Variants in WFDC2 observed in about 807,000 individuals in gnomAD.
The protein encoded by WFDC2 is WAP four-disulfide core domain protein 2.
A neutral mutation model predicts 12.5 loss-of-function variants in WFDC2; 8 were observed. The observed-to-expected ratio is 0.64, with a 90% CI of 0.37 to 1.15. WFDC2 has a LOEUF of 1.15. WFDC2 is among the 50% of genes most tolerant of loss of function. WFDC2 has a pLI of 0.01. For synonymous variants in WFDC2, 74 were observed against 67.2 expected, an observed-to-expected ratio of 1.10 and a Z score of -0.49; for missense variants, 166 against 159.9, an observed-to-expected ratio of 1.04 and a Z score of -0.21.
chr20:45,476,624 T>C (rs1372334812), intron 2 of WFDC2, among the ~76,000 whole-genome samples: 5 of 152,220 alleles, frequency 3.3e-5, no homozygotes, highest in African/African-American at 1.2e-4. Context: ...CATTTCAACC[T>C]TGGTGAATCT....
chr20:45,471,224 C>G, intron 2 of WFDC2: 1 of 467,680 alleles, frequency 2.1e-6, no homozygotes, highest in Middle Eastern at 3.3e-4. Flanking sequence ...CGTCGTCTTT[C>G]AGTCAATCTC....
At chr20:45,479,824 A>T in intron 2 of WFDC2, 118 bp from the exon 3 acceptor site, 1 of 1,613,286 alleles carries the variant, frequency 6.2e-7, no homozygotes, top group Non-Finnish European at 8.5e-7. Context: ...GGACTCAGGC[A>T]GGCAGCTCTG....
intron 1 of WFDC2, 94 bp downstream of exon 1, chr20:45,469,954 G>A (rs1991145283): frequency 1.4e-6 from 2 of 1,470,718 alleles, no homozygotes; most frequent in Non-Finnish European, 1.8e-6. Context: ...GGAGGCTGGG[G>A]AAGTGGGAAT....
intron 2 of WFDC2, chr20:45,471,261 G>C (rs1253042648): frequency 6.7e-6 from 3 of 448,332 alleles, no homozygotes; most frequent in African/African-American, 6.0e-5. Flanking sequence ...GAGTGAGCGC[G>C]AGCTGGGGAC....
At position 45,470,359 on chromosome 20, in the gene WFDC2, C is replaced by T. The variant is rs958812310; in HGVS notation, c.80-30C>T. 1 of 1,561,000 alleles carries T rather than the reference C, an allele frequency of 6.4e-7. No homozygotes were observed. The highest frequency in any genetic ancestry group is 8.7e-7 in the Non-Finnish European group (1 of 1,151,534). Reference sequence around the variant, plus strand: ...CCTCTGGGGCTGGCGCTACGCCCCACCCTCGACTGTCCCGGGCCTCCCCTC... The same window carrying T: ...CCTCTGGGGCTGGCGCTACGCCCCATCCTCGACTGTCCCGGGCCTCCCCTC... On this transcript the variant is annotated intron_variant, in intron 1 of 3. Coordinates refer to ENST00000372676, the MANE Select transcript of WFDC2 (RefSeq NM_006103.4). This position sits in a 1 kb window ranked among gnomAD's most constrained non-coding sequence, Gnocchi z 5.4.
intron 2 of WFDC2, among the ~76,000 whole-genome samples, chr20:45,472,339 A>G (rs1991182744): frequency 6.6e-6 from 1 of 151,362 alleles, no homozygotes; most frequent in Admixed American, 6.6e-5. Flanking sequence ...TCATTGTTCA[A>G]CTCCTACTTA....
chr20:45,470,503 G>A lies in WFDC2; in HGVS notation c.194G>A (p.Gly65Asp). The A allele has an allele frequency of 1.3e-6, 2 of 1,599,612 alleles. No individual in the cohort carries two copies. The highest frequency in any genetic ancestry group is 2.2e-5 in the East Asian group (1 of 44,520). Residue 65 changes from glycine (G) to aspartate (D), a missense_variant, in exon 2 of 4, where the codon GGC becomes GAC. Transcript: ENST00000372676. This position sits in a 1 kb window ranked among gnomAD's most constrained non-coding sequence, Gnocchi z 5.4. ...CADNLKCCSAGCATFCSLPND... is the reference protein window; with the variant it reads ...CADNLKCCSADCATFCSLPND... ...GACAACCTCAAGTGCTGCAGCGCGG[G>A]CTGTGCCACCTTCTGCTCTCTGCCC...
In WFDC2 at chr20:45,470,366, C is replaced by T. The variant is rs1991151541; in HGVS notation, c.80-23C>T. 1 of 1,566,058 alleles carries T rather than the reference C, an allele frequency of 6.4e-7. No homozygotes were observed. ...GGCTGGCGCTACGCCCCACCCTCGA[C>T]TGTCCCGGGCCTCCCCTCCCAGGCA... On this transcript the variant is annotated intron_variant, in intron 1 of 3. Coordinates refer to ENST00000372676, the MANE Select transcript of WFDC2 (RefSeq NM_006103.4). The surrounding 1 kb of genome is among the most constrained non-coding windows in gnomAD (Gnocchi z 5.4).
intron 2 of WFDC2, among the ~76,000 whole-genome samples, chr20:45,478,605 G>A (rs573736681): frequency 1.4e-4 from 21 of 152,096 alleles, no homozygotes; most frequent in African/African-American, 1.2e-4. Context: ...GTTACTATTC[G>A]GCCATCTTGA....
At chr20:45,471,388 A>C (rs1040731215) in intron 2 of WFDC2, 2 of 333,740 alleles carry the variant, frequency 6.0e-6, no homozygotes, top group Non-Finnish European at 1.2e-5. Context: ...TGAGGATTAG[A>C]GGCAGGGATA....
chr20:45,474,777 G>C (rs988151020), intron 2 of WFDC2, among the ~76,000 whole-genome samples: 3 of 152,112 alleles, frequency 2.0e-5, no homozygotes, highest in African/African-American at 7.2e-5. Context: ...TTGTACCTCT[G>C]GTGGAATTCG....
intron 2 of WFDC2, among the ~76,000 whole-genome samples, chr20:45,472,990 T>C (rs1252192769): frequency 1.3e-5 from 2 of 152,266 alleles, no homozygotes; most frequent in African/African-American, 2.4e-5. Flanking sequence ...ATGTCTTCTT[T>C]TGAGAAGCAT....
In WFDC2 at chr20:45,469,867, G is replaced by T; in HGVS notation, c.79+7G>T. The T allele has an allele frequency of 6.2e-7, 1 of 1,602,894 alleles. No homozygotes were observed. The highest frequency in any genetic ancestry group is 2.2e-5 in the East Asian group (1 of 44,494). ...GGCTTCACCCTAGTCTCAGGTGAGTGGGGCGGGGAGAGGCCCGGCGCCTAG... is the reference window on the plus strand; with the variant it reads ...GGCTTCACCCTAGTCTCAGGTGAGTTGGGCGGGGAGAGGCCCGGCGCCTAG... On this transcript the variant is annotated splice_region_variant and intron_variant, in intron 1 of 3. Transcript: ENST00000372676.
intron 2 of WFDC2, among the ~76,000 whole-genome samples, chr20:45,478,205 G>A (rs1387499802): frequency 6.6e-6 from 1 of 152,046 alleles, no homozygotes; most frequent in Non-Finnish European, 1.5e-5. Flanking sequence ...CACCACTGGG[G>A]TATGAAAAAA....
intron 2 of WFDC2, chr20:45,479,483 T>TTAA: frequency 1.7e-6 from 1 of 596,966 alleles, no homozygotes; most frequent in Non-Finnish European, 3.0e-6. Flanking sequence ...ATTAGAAGAG[T>TTAA]TAATATATGT....
At position 45,470,277 on chromosome 20, in the gene WFDC2, C is replaced by T. The variant is rs1414353713; in HGVS notation, c.80-112C>T. The T allele has an allele frequency of 2.1e-6, 3 of 1,427,660 alleles. No homozygotes were observed. In the African/African-American group the frequency reaches 4.3e-5, roughly 20 times the overall value. The allele number at this position is 1,427,660 out of a possible 1,614,324, so 88.4% of individuals were successfully genotyped here. A position where few individuals can be genotyped will look rare whatever the true frequency, so the allele number is the denominator to read the frequency against. ...GTCTCTGGGGGCTGTAAGGGGACTCCTAGGGCCAGAGACTGAGAATTCCTT... is the reference window on the plus strand; with the variant it reads ...GTCTCTGGGGGCTGTAAGGGGACTCTTAGGGCCAGAGACTGAGAATTCCTT... On this transcript the variant is annotated intron_variant, in intron 1 of 3. Transcript: ENST00000372676. The surrounding 1 kb of genome is among the most constrained non-coding windows in gnomAD (Gnocchi z 5.4).
At position 45,470,676 on chromosome 20, in the gene WFDC2, G is replaced by A; in HGVS notation, c.223+144G>A. 1 of 1,207,804 alleles carries A rather than the reference G, an allele frequency of 8.3e-7. No homozygotes were observed. The highest frequency in any genetic ancestry group is 1.1e-6 in the Non-Finnish European group (1 of 891,216). 74.8% of individuals were successfully genotyped at this position (1,207,804 alleles called of 1,614,324 possible). A position where few individuals can be genotyped will look rare whatever the true frequency, so the allele number is the denominator to read the frequency against. ...AAGGCGGTTGAAACCAGATCCGTCA[G>A]TCCTCTCCCTCGCACGGCCCAGGGG... On this transcript the variant is annotated intron_variant, in intron 2 of 3. Transcript: ENST00000372676. The surrounding 1 kb of genome is among the most constrained non-coding windows in gnomAD (Gnocchi z 5.4).
chr20:45,481,064 G>C (rs1458788985), intron 3 of WFDC2, among the ~76,000 whole-genome samples: 1 of 152,184 alleles, frequency 6.6e-6, no homozygotes, highest in Non-Finnish European at 1.5e-5. Context: ...TTCTTGGGGA[G>C]AGAAATGGCC....
intron 3 of WFDC2, among the ~76,000 whole-genome samples, chr20:45,480,734 GA>G (rs906120189): frequency 1.3e-5 from 2 of 152,214 alleles, no homozygotes; most frequent in African/African-American, 4.8e-5. Context: ...ATAACTGATA[GA>G]ATCCAATAGT....
Sources: gnomAD v4.1 joint callset for allele counts (sites outside exome capture counted in the v4.1 genomes callset) on GRCh38, gnomAD v4.1.1 for gene constraint, Gnocchi (gnomAD v3.1) non-coding constraint, MANE v1.5 for transcripts, NCBI Gene and HGNC (gene_info 2026-07-23, HGNC 2026-07-21) for gene names.